The following ADGRB3 variants were observed in gnomAD, a reference collection of about 807,000 sequenced individuals.
ADGRB3 encodes the protein brain-specific angiogenesis inhibitor 3.
In ADGRB3, 37 loss-of-function variants were observed where a neutral mutation model predicts 193.4. That is an observed-to-expected ratio of 0.19 (90% CI 0.15 to 0.25). ADGRB3 has a LOEUF of 0.25. Among genes scored for constraint, ADGRB3 ranks in the 10% least tolerant of loss-of-function variants. The probability of loss-of-function intolerance (pLI) is 1.00; values close to 1 mark genes in which losing one functional copy is unlikely to be tolerated. For synonymous variants in ADGRB3, 690 were observed against 644.2 expected (o/e 1.07, Z -1.08); for missense variants, 1,637 against 1,852.9 (o/e 0.88, Z 2.14).
chr6:68,700,579 A>G (rs1765226563), intron 3 of ADGRB3, among the ~76,000 whole-genome samples: 1 of 152,028 alleles, frequency 6.6e-6, no homozygotes. Flanking sequence ...CATCATAATT[A>G]AACAATTTCA....
rs528979788 is a variant in ADGRB3, at chr6:68,787,935, T to C, written c.758-142624T>C. ...CATTTCCTCTAGATTTTCTAGTTTA[T>C]TTGCATAGAGGTGTTTATAGTATTC... On this transcript the variant is annotated intron_variant, in intron 3 of 31. Coordinates refer to ENST00000370598, the MANE Select transcript of ADGRB3 (RefSeq NM_001704.3). Among the ~76,000 whole-genome samples, 144 of 152,350 alleles carry C rather than the reference T, an allele frequency of 9.5e-4. 2 individuals are homozygous for C. The South Asian group carries it at 0.012, about 12-fold the overall frequency.
intron 11 of ADGRB3, among the ~76,000 whole-genome samples, chr6:69,004,809 G>A (rs1248453948): frequency 6.6e-6 from 1 of 152,088 alleles, no homozygotes; most frequent in South Asian, 2.1e-4. Context: ...TGGGGTTGGG[G>A]GGTGCTGAGA....
intron 26 of ADGRB3, among the ~76,000 whole-genome samples, chr6:69,344,363 T>TA (rs1264311613): frequency 6.6e-6 from 1 of 152,144 alleles, no homozygotes; most frequent in African/African-American, 2.4e-5. Context: ...ATGCTTAAAA[T>TA]AAAAAACTTT....
intron 3 of ADGRB3, among the ~76,000 whole-genome samples, chr6:68,768,243 G>C (rs555862321): frequency 6.6e-6 from 1 of 151,996 alleles, no homozygotes; most frequent in East Asian, 1.9e-4. Flanking sequence ...GACAATCCTA[G>C]ACAAAAAGAA....
At chr6:68,707,336 C>T (rs1765342334) in intron 3 of ADGRB3, among the ~76,000 whole-genome samples, 1 of 152,102 alleles carries the variant, frequency 6.6e-6, no homozygotes, top group Non-Finnish European at 1.5e-5. Context: ...CTCAGCAGCA[C>T]ATCTGGATTC....
chr6:69,334,510 G>A (rs1469493750), intron 24 of ADGRB3, among the ~76,000 whole-genome samples: 1 of 152,068 alleles, frequency 6.6e-6, no homozygotes, highest in Non-Finnish European at 1.5e-5. Flanking sequence ...TTTTTTCACT[G>A]CAGACAAGTT....
intron 20 of ADGRB3, among the ~76,000 whole-genome samples, chr6:69,255,849 G>T (rs929438271): frequency 2.0e-5 from 3 of 152,204 alleles, no homozygotes; most frequent in Non-Finnish European, 4.4e-5. Context: ...TAATGTTTAA[G>T]TCTTTAATCC....
rs1199576087 is a variant in ADGRB3 at position 69,169,166 on chromosome 6, A to G, written c.2481-64124A>G. 5.3e-5 allele frequency among the ~76,000 whole-genome samples: 8 copies of G among 152,136 alleles called. No homozygotes were observed. The East Asian group carries it at 1.5e-3, about 29-fold the overall frequency. The stretch of plus-strand genomic sequence containing the variant: ...AAGAGTAAATGATTGAAGAGAGAGA[A>G]ACTATATCACATTGACAGATGGATT... On this transcript the variant is annotated intron_variant, in intron 17 of 31. Coordinates refer to ENST00000370598, the MANE Select transcript of ADGRB3 (RefSeq NM_001704.3).
intron 30 of ADGRB3, among the ~76,000 whole-genome samples, chr6:69,372,694 T>C (rs1161440571): frequency 1.3e-5 from 2 of 152,072 alleles, no homozygotes; most frequent in Non-Finnish European, 2.9e-5. Flanking sequence ...CTACGATAAG[T>C]GAACAATTTA....
intron 3 of ADGRB3, among the ~76,000 whole-genome samples, chr6:68,771,884 G>A (rs1177547037): frequency 7.2e-5 from 11 of 151,998 alleles, no homozygotes; most frequent in Non-Finnish European, 1.5e-5. Flanking sequence ...TGGTTTTCCA[G>A]GTTCAATTGC....
intron 17 of ADGRB3, among the ~76,000 whole-genome samples, chr6:69,108,387 GTT>G (rs11322639): frequency 0.018 from 2,547 of 137,964 alleles, 72 homozygotes; most frequent in African/African-American, 0.062. Context: ...CAAGCTTCTT[GTT>G]TTTTTTTTTT....
intron 3 of ADGRB3, among the ~76,000 whole-genome samples, chr6:68,701,962 A>AGGAGTTATT (rs1175153715): frequency 6.6e-6 from 1 of 152,158 alleles, no homozygotes; most frequent in Non-Finnish European, 1.5e-5. Flanking sequence ...TACGGGATAC[A>AGGAGTTATT]GGAGTTATTG....
At chr6:69,052,036 G>T (rs949357623) in intron 15 of ADGRB3, among the ~76,000 whole-genome samples, 2 of 152,004 alleles carry the variant, frequency 1.3e-5, no homozygotes, top group African/African-American at 2.4e-5. Context: ...GACTTCAGGC[G>T]CCCACCACCA....
intron 17 of ADGRB3, among the ~76,000 whole-genome samples, chr6:69,099,437 G>T (rs1305465863): frequency 2.6e-5 from 4 of 152,118 alleles, no homozygotes; most frequent in Non-Finnish European, 4.4e-5. Context: ...TGACAATTAT[G>T]TGTTTCAGAG....
intron 17 of ADGRB3, among the ~76,000 whole-genome samples, chr6:69,214,175 C>A (rs777291605): frequency 6.6e-6 from 1 of 152,160 alleles, no homozygotes; most frequent in Non-Finnish European, 1.5e-5. Context: ...AGCAAAGGCA[C>A]ACAATGATGG....
intron 8 of ADGRB3, among the ~76,000 whole-genome samples, chr6:68,969,019 G>A (rs1315082654): frequency 6.6e-6 from 1 of 151,884 alleles, no homozygotes; most frequent in Non-Finnish European, 1.5e-5. Flanking sequence ...GACAGTGCTG[G>A]TATGTTATTT....
At chr6:69,002,779 A>G (rs149063307) in intron 11 of ADGRB3, among the ~76,000 whole-genome samples, 258 of 152,336 alleles carry the variant, frequency 1.7e-3, no homozygotes, top group African/African-American at 5.9e-3. Context: ...TGTTGACTAA[A>G]TAAGATCTGG....
intron 17 of ADGRB3, among the ~76,000 whole-genome samples, chr6:69,163,148 A>T (rs1452151570): frequency 1.3e-5 from 2 of 152,108 alleles, no homozygotes; most frequent in African/African-American, 4.8e-5. Context: ...ATCATCTCAA[A>T]GAGAGAGAAG....
rs141580288 is a variant in ADGRB3, at chr6:69,246,154, A to G, written c.2814+6928A>G. Among the ~76,000 whole-genome samples the G allele has an allele frequency of 7.0e-4, 106 of 152,230 alleles. 1 individual carries two copies. Among genetic ancestry groups the G allele is most frequent in the African/African-American group, 2.4e-3 (101 of 41,550 alleles). On this transcript the variant is annotated intron_variant, in intron 20 of 31. Transcript: ENST00000370598. ...GCAAAAGTTAATCTTTTTTCTTCATAAGAATATAATGTTCATAGCCTTAAA... is the reference window on the plus strand; with the variant it reads ...GCAAAAGTTAATCTTTTTTCTTCATGAGAATATAATGTTCATAGCCTTAAA...
Sources: allele counts gnomAD v4.1 joint callset (sites outside exome capture counted in the v4.1 genomes callset), GRCh38; gene constraint gnomAD v4.1.1; transcripts MANE v1.5; gene names NCBI Gene and HGNC (gene_info 2026-07-23, HGNC 2026-07-21).